SPRED3: variants seen among roughly 807,000 people sequenced by gnomAD.
The protein encoded by SPRED3 is sprouty-related, EVH1 domain-containing protein 3.
In SPRED3, 23 loss-of-function variants were observed where a neutral mutation model predicts 37.6. That is an observed-to-expected ratio of 0.61 (90% CI 0.44 to 0.87). SPRED3 has a LOEUF of 0.87. Ranked by LOEUF, SPRED3 falls within the 40% of genes least tolerant of loss-of-function variation. The pLI, the probability that SPRED3 is intolerant of heterozygous loss-of-function variation, is 0.00. For synonymous variants in SPRED3, 302 were observed against 279.6 expected (o/e 1.08, Z -0.80); for missense variants, 584 against 618.6 (o/e 0.94, Z 0.59).
In SPRED3 at chr19:38,394,643, T is replaced by C. The variant is rs1248717066; in HGVS notation, c.424T>C (p.Ser142Pro). The C allele has an allele frequency of 2.5e-6, 4 of 1,594,692 alleles. No homozygotes were observed. The highest frequency in any genetic ancestry group is 2.6e-6 in the Non-Finnish European group (3 of 1,175,268). ...CGCTGAGGCCGCCAATCTCCTCCAG[T>C]CCCACGTGGACAGCGACTCCTCCTC... ...DTAETPCPLT[S>P]HVDSDSSSSH... Residue 142 changes from serine (S) to proline (P), a missense_variant and splice_region_variant, in exon 5 of 6, where the codon TCC becomes CCC. By Grantham distance (74) the Ser-to-Pro change is moderately conservative (BLOSUM62 -1). Coordinates refer to ENST00000691638, the MANE Select transcript of SPRED3 (RefSeq NM_001394336.1).
At chr19:38,394,617 G>T (rs772109856) in intron 4 of SPRED3, 26 bp from the exon 5 acceptor site, 3 of 1,575,658 alleles carry the variant, frequency 1.9e-6, no homozygotes, top group African/African-American at 2.7e-5. Flanking sequence ...GCGTGTCCCC[G>T]CGCTGAGGCC....
intron 1 of SPRED3, among the ~76,000 whole-genome samples, chr19:38,389,228 G>A (rs1319206523): frequency 6.6e-6 from 1 of 152,120 alleles, no homozygotes; most frequent in African/African-American, 2.4e-5. Context: ...TCACGTGACT[G>A]CTCATTCACA....
At chr19:38,391,873 G>T in intron 2 of SPRED3, 73 bp from the exon 3 acceptor site, 2 of 1,559,826 alleles carry the variant, frequency 1.3e-6, no homozygotes, top group Non-Finnish European at 1.7e-6. Flanking sequence ...ATGCATGGGG[G>T]CTGGTGATGG....
rs1463943754 is a variant in SPRED3 at position 38,397,144 on chromosome 19, C to T, written c.*999C>T. 6.6e-6 allele frequency: 1 copy of T among 152,176 alleles called. No homozygotes were observed. The highest frequency in any genetic ancestry group is 2.4e-5 in the African/African-American group (1 of 41,436). The allele number at this position is 152,176 out of a possible 1,614,324, so 9.4% of individuals were successfully genotyped here. On this transcript the variant is annotated 3_prime_UTR_variant, in exon 6 of 6. Coordinates refer to ENST00000691638, the MANE Select transcript of SPRED3 (RefSeq NM_001394336.1). The stretch of plus-strand genomic sequence containing the variant: ...CTGAAGGCCACCAACACCTCAGGAC[C>T]CGAGATACTGGTCTCGAGTTCTCAA...
At chr19:38,392,379 A>C (rs758593815) in intron 4 of SPRED3, 91 bp downstream of exon 4, 2 of 1,339,128 alleles carry the variant, frequency 1.5e-6, no homozygotes, top group Non-Finnish European at 2.0e-6. Context: ...TGTAGCAGGC[A>C]CCATGCCACA....
Position 38,399,242 on chromosome 19 carries a change from C to A in SPRED3, c.*3097C>A, listed in dbSNP as rs901275860. 2 of 152,418 alleles carry A rather than the reference C, an allele frequency of 1.3e-5. No homozygotes were observed. Among genetic ancestry groups the A allele is most frequent in the African/African-American group, 4.8e-5 (2 of 41,452 alleles). 9.4% of individuals were successfully genotyped at this position (152,418 alleles called of 1,614,324 possible). A position where few individuals can be genotyped will look rare whatever the true frequency, so the allele number is the denominator to read the frequency against. ...GCCTCTCCCAGGTCCCCCAGTCCTGCTCCCTGCTGAGACCCACCTCTGATC... is the reference window on the plus strand; with the variant it reads ...GCCTCTCCCAGGTCCCCCAGTCCTGATCCCTGCTGAGACCCACCTCTGATC... On this transcript the variant is annotated 3_prime_UTR_variant, in exon 6 of 6. Coordinates refer to ENST00000691638, the MANE Select transcript of SPRED3 (RefSeq NM_001394336.1).
chr19:38,395,685 T>C lies in SPRED3; in HGVS notation c.773T>C (p.Leu258Pro), dbSNP rs1478763925. 1 of 1,488,680 alleles carries C rather than the reference T, an allele frequency of 6.7e-7. No homozygotes were observed. The allele number at this position is 1,488,680 out of a possible 1,614,324, so 92.2% of individuals were successfully genotyped here. A position where few individuals can be genotyped will look rare whatever the true frequency, so the allele number is the denominator to read the frequency against. The change falls in exon 6 of 6, where the codon CTA (leucine) becomes CCA (proline). Residue 258 changes from leucine (L) to proline (P), a missense_variant. Physicochemically the swap from Leu to Pro is moderately conservative, Grantham distance 98 (BLOSUM62 -3). Around this residue, in one of 7 missense-constraint regions of SPRED3, gnomAD observed 310 missense variants for 281.1 expected, o/e 1.10. Transcript: ENST00000691638. This position sits in a 1 kb window ranked among gnomAD's most constrained non-coding sequence, Gnocchi z 5.2. Reference sequence around the variant, plus strand: ...GCTGCCCTGGGTCCCCCAGCGGCACTACCTGCCCCTTTGACCGAGGCTGCG... The same window carrying C: ...GCTGCCCTGGGTCCCCCAGCGGCACCACCTGCCCCTTTGACCGAGGCTGCG... ...RGAALGPPAA[L>P]PAPLTEAAPP...
In SPRED3 at chr19:38,395,637, C is replaced by A; in HGVS notation, c.725C>A (p.Ala242Asp). The change falls in exon 6 of 6, where the codon GCC (alanine) becomes GAC (aspartate). Residue 242 changes from alanine (A) to aspartate (D), a missense_variant. Physicochemically the swap from Ala to Asp is moderately radical, Grantham distance 126. This residue lies in a region of SPRED3 where 310 missense variants were observed against 281.1 expected (regional missense o/e 1.10). Transcript: ENST00000691638. This position sits in a 1 kb window ranked among gnomAD's most constrained non-coding sequence, Gnocchi z 5.2. ...CTGTCCACCTGCGTCGTGCGCTTCG[C>A]CAAGACCGGCGCGTTGAGGGGCGCT... ...LALSTCVVRF[A>D]KTGALRGAAL... 1 of 1,536,672 alleles carries A rather than the reference C, an allele frequency of 6.5e-7. No homozygotes were observed. The highest frequency in any genetic ancestry group is 8.7e-7 in the Non-Finnish European group (1 of 1,151,226).
In SPRED3 at chr19:38,388,778, G is replaced by A. The variant is rs1434126227; in HGVS notation, c.-34G>A. On this transcript the variant is annotated 5_prime_UTR_variant, in exon 1 of 6. Transcript: ENST00000691638. ...AGGAGGAGGAGGAGGCCGCGTCGCC[G>A]CCGCTCGGAGCCCGGCCGGAGCCTC... 2.5e-6 allele frequency: 1 copy of A among 397,486 alleles called. No homozygotes were observed. The highest frequency in any genetic ancestry group is 6.3e-4 in the Middle Eastern group (1 of 1,588). 24.6% of individuals were successfully genotyped at this position (397,486 alleles called of 1,614,324 possible). A position where few individuals can be genotyped will look rare whatever the true frequency, so the allele number is the denominator to read the frequency against.
chr19:38,392,281 C>T lies in SPRED3; in HGVS notation c.416C>T (p.Pro139Leu). 1 of 1,561,164 alleles carries T rather than the reference C, an allele frequency of 6.4e-7. No individual in the cohort carries two copies. The highest frequency in any genetic ancestry group is 8.7e-7 in the Non-Finnish European group (1 of 1,154,572). ...CAGGATACTGCAGAGACCCCCTGCCCTCTGACGGTGAGTGTCCAGGATGCC... is the reference window on the plus strand; with the variant it reads ...CAGGATACTGCAGAGACCCCCTGCCTTCTGACGGTGAGTGTCCAGGATGCC... The part of the protein sequence containing the change: ...PSQDTAETPC[P>L]LTSHVDSDSS... Residue 139 changes from proline to leucine, a missense_variant, in exon 4 of 6, where the codon CCT becomes CTT. Around this residue, in one of 7 missense-constraint regions of SPRED3, gnomAD observed 310 missense variants for 281.1 expected, o/e 1.10. Coordinates refer to ENST00000691638, the MANE Select transcript of SPRED3 (RefSeq NM_001394336.1).
Position 38,395,560 on chromosome 19 carries a change from C to T in SPRED3, c.648C>T (p.Gly216=), listed in dbSNP as rs760020531. The T allele has an allele frequency of 6.4e-6, 10 of 1,551,704 alleles. No individual in the cohort carries two copies. The East Asian group carries it at 2.0e-4, about 31-fold the overall frequency. The change falls in exon 6 of 6, where the codon GGC becomes GGT. Residue 216 remains glycine (G), a synonymous_variant. Transcript: ENST00000691638. This position sits in a 1 kb window ranked among gnomAD's most constrained non-coding sequence, Gnocchi z 5.2. The stretch of plus-strand genomic sequence containing the variant: ...CAGGGGCAGGGGGCCTGGGGTGGGG[C>T]GGCCGCGGCTACGAGGATTACCGGC... ...PLAGAGGLGW[G]GRGYEDYRRS...
chr19:38,395,404 A>C lies in SPRED3; in HGVS notation c.568-76A>C. ...CTTGAAAATCTGAATCCCAGACCCAAGAGTGCGCTAGGGAACTGGATCCTT... is the reference window on the plus strand; with the variant it reads ...CTTGAAAATCTGAATCCCAGACCCACGAGTGCGCTAGGGAACTGGATCCTT... On this transcript the variant is annotated intron_variant, in intron 5 of 5. Coordinates refer to ENST00000691638, the MANE Select transcript of SPRED3 (RefSeq NM_001394336.1). This position sits in a 1 kb window ranked among gnomAD's most constrained non-coding sequence, Gnocchi z 5.2. The C allele has an allele frequency of 1.5e-6, 2 of 1,319,362 alleles. No individual in the cohort carries two copies. The highest frequency in any genetic ancestry group is 3.1e-5 in the African/African-American group (2 of 64,042). 81.7% of individuals were successfully genotyped at this position (1,319,362 alleles called of 1,614,324 possible). A position where few individuals can be genotyped will look rare whatever the true frequency, so the allele number is the denominator to read the frequency against.
chr19:38,390,142 T>G, intron 1 of SPRED3, 157 bp from the exon 2 acceptor site: 14 of 523,256 alleles, frequency 2.7e-5, no homozygotes, highest in Non-Finnish European at 3.4e-5. Context: ...ACGGTGGCCA[T>G]GGGGTTGAAG....
intron 1 of SPRED3, 74 bp downstream of exon 1, chr19:38,388,881 G>GC (rs1970784247): frequency 7.6e-6 from 3 of 395,482 alleles, no homozygotes. Context: ...CCGTGACCGC[G>GC]CTGCGCCTTC....
chr19:38,395,373 T>C lies in SPRED3; in HGVS notation c.568-107T>C. On this transcript the variant is annotated intron_variant, in intron 5 of 5. Transcript: ENST00000691638. This position sits in a 1 kb window ranked among gnomAD's most constrained non-coding sequence, Gnocchi z 5.2. ...GAGGGACCTTGGGAGAGAAGCAAGCTGGGGTCTTGAAAATCTGAATCCCAG... is the reference window on the plus strand; with the variant it reads ...GAGGGACCTTGGGAGAGAAGCAAGCCGGGGTCTTGAAAATCTGAATCCCAG... The C allele has an allele frequency of 9.0e-7, 1 of 1,109,670 alleles. No individual in the cohort carries two copies. The highest frequency in any genetic ancestry group is 2.0e-5 in the South Asian group (1 of 50,310). 68.7% of individuals were successfully genotyped at this position (1,109,670 alleles called of 1,614,324 possible). A position where few individuals can be genotyped will look rare whatever the true frequency, so the allele number is the denominator to read the frequency against.
chr19:38,395,994 C>A lies in SPRED3; in HGVS notation c.1082C>A (p.Pro361Gln), dbSNP rs1027086958. ...SDPCACEPGH[P>Q]RPAARWAALA... ...CCGTGCGCCTGCGAGCCGGGCCACCCGCGCCCCGCCGCGCGCTGGGCCGCG... is the reference window on the plus strand; with the variant it reads ...CCGTGCGCCTGCGAGCCGGGCCACCAGCGCCCCGCCGCGCGCTGGGCCGCG... Residue 361 changes from proline to glutamine, a missense_variant, in exon 6 of 6, where the codon CCG becomes CAG. Transcript: ENST00000691638. The surrounding 1 kb of genome is among the most constrained non-coding windows in gnomAD (Gnocchi z 5.2). 1 of 1,423,844 alleles carries A rather than the reference C, an allele frequency of 7.0e-7. No homozygotes were observed. Among genetic ancestry groups the A allele is most frequent in the Non-Finnish European group, 9.1e-7 (1 of 1,094,624 alleles). The allele number at this position is 1,423,844 out of a possible 1,614,324, so 88.2% of individuals were successfully genotyped here.
intron 4 of SPRED3, 32 bp downstream of exon 4, chr19:38,392,320 A>C: frequency 6.8e-7 from 1 of 1,475,844 alleles, no homozygotes; most frequent in Non-Finnish European, 9.0e-7. Context: ...CTGCTGGGGG[A>C]GGGTAGGGGT....
chr19:38,394,771 C>G lies in SPRED3; in HGVS notation c.552C>G (p.Arg184=). 1.3e-6 allele frequency: 2 copies of G among 1,571,170 alleles called. No individual in the cohort carries two copies. Among genetic ancestry groups the G allele is most frequent in the South Asian group, 2.3e-5 (2 of 86,102 alleles). The part of the protein sequence containing the change: ...GFGPTTPPQR[R]RSSAQSYPPL... Reference sequence around the variant, plus strand: ...GGCCGACCACGCCCCCCCAGCGCCGCCGCTCCTCCGCTCAGGTGCGACCTG... The same window carrying G: ...GGCCGACCACGCCCCCCCAGCGCCGGCGCTCCTCCGCTCAGGTGCGACCTG... Residue 184 remains arginine, a synonymous_variant, in exon 5 of 6, where the codon CGC becomes CGG. Coordinates refer to ENST00000691638, the MANE Select transcript of SPRED3 (RefSeq NM_001394336.1).
Position 38,392,222 on chromosome 19 carries a change from C to T in SPRED3, c.357C>T (p.Thr119=), listed in dbSNP as rs1253953371. The T allele has an allele frequency of 1.3e-6, 2 of 1,596,292 alleles. No individual in the cohort carries two copies. The highest frequency in any genetic ancestry group is 1.3e-5 in the African/African-American group (1 of 74,570). Residue 119 remains threonine (T), a synonymous_variant, in exon 4 of 6, where the codon ACC becomes ACT. Transcript: ENST00000691638. The stretch of plus-strand genomic sequence containing the variant: ...CTCTCCCTGCCCCAGGCTCACTCAC[C>T]CCCTCCTCCTCCTCCTCCTCCTCCT... ...ALAALGRGSL[T]PSSSSSSSSP...
Sources: gnomAD v4.1 joint callset for allele counts (sites outside exome capture counted in the v4.1 genomes callset) on GRCh38, gnomAD v4.1.1 for gene constraint, gnomAD v4.1.1 regional missense constraint, Gnocchi (gnomAD v3.1) non-coding constraint, MANE v1.5 for transcripts, NCBI Gene and HGNC (gene_info 2026-07-23, HGNC 2026-07-21) for gene names.